Variants in NLGN1 observed in about 807,000 individuals in gnomAD.
NLGN1 encodes the protein neuroligin-1.
A neutral mutation model predicts 65.5 loss-of-function variants in NLGN1; 12 were observed. That is an observed-to-expected ratio of 0.18 (90% CI 0.12 to 0.30). The LOEUF (loss-of-function observed/expected upper bound fraction) is 0.30. Among genes scored for constraint, NLGN1 ranks in the 10% least tolerant of loss-of-function variants. The pLI is 1.00. For synonymous variants in NLGN1, 350 were observed against 359.5 expected, an observed-to-expected ratio of 0.97 and a Z score of 0.30; for missense variants, 750 against 1,007.1, an observed-to-expected ratio of 0.74 and a Z score of 3.46.
chr3:174,022,002 C>G (rs547525326), intron 4 of NLGN1, among the ~76,000 whole-genome samples: 1 of 152,174 alleles, frequency 6.6e-6, no homozygotes, highest in South Asian at 2.1e-4. Flanking sequence ...GAAGAGGGTT[C>G]AGTTGTGGTT....
At chr3:173,852,669 A>G (rs995200469) in intron 4 of NLGN1, among the ~76,000 whole-genome samples, 1 of 152,180 alleles carries the variant, frequency 6.6e-6, no homozygotes, top group Admixed American at 6.5e-5. Flanking sequence ...CATATTGTTC[A>G]CCAATTATAA....
intron 4 of NLGN1, among the ~76,000 whole-genome samples, chr3:174,033,861 AAGAG>A (rs1414087221): frequency 2.0e-5 from 3 of 152,162 alleles, no homozygotes; most frequent in Admixed American, 2.0e-4. Context: ...AAAGGGAAGA[AAGAG>A]AGAATGGAGC....
At chr3:174,149,300 C>A (rs1178070241) in intron 4 of NLGN1, among the ~76,000 whole-genome samples, 1 of 152,092 alleles carries the variant, frequency 6.6e-6, no homozygotes, top group Non-Finnish European at 1.5e-5. Flanking sequence ...ACCAAAAATT[C>A]TTACTGTAAC....
chr3:173,533,092 A>G (rs1000382288), intron 2 of NLGN1, among the ~76,000 whole-genome samples: 1 of 152,164 alleles, frequency 6.6e-6, no homozygotes, highest in Non-Finnish European at 1.5e-5. Flanking sequence ...CAATCATACC[A>G]TTATTTATTC....
At chr3:173,787,523 A>G (rs1309641419) in intron 3 of NLGN1, among the ~76,000 whole-genome samples, 1 of 152,210 alleles carries the variant, frequency 6.6e-6, no homozygotes, top group Non-Finnish European at 1.5e-5. Flanking sequence ...TATCTTTGAT[A>G]AATGTTATTA....
intron 4 of NLGN1, among the ~76,000 whole-genome samples, chr3:174,106,431 C>A (rs1174968740): frequency 6.6e-6 from 1 of 151,830 alleles, no homozygotes; most frequent in African/African-American, 2.4e-5. Flanking sequence ...GTCAGGCTTC[C>A]TCAAAAAAAT....
chr3:174,125,508 G>T (rs544525676), intron 4 of NLGN1, among the ~76,000 whole-genome samples: 2 of 151,994 alleles, frequency 1.3e-5, no homozygotes, highest in Non-Finnish European at 2.9e-5. Context: ...GAGTTTAGGT[G>T]GGGGAGCTGT....
intron 4 of NLGN1, among the ~76,000 whole-genome samples, chr3:174,215,092 A>C (rs1737357123): frequency 6.6e-6 from 1 of 152,098 alleles, no homozygotes. Flanking sequence ...AAATTTCTGA[A>C]TATCAAGTCC....
intron 4 of NLGN1, among the ~76,000 whole-genome samples, chr3:173,963,258 G>A (rs1237542305): frequency 6.6e-6 from 1 of 151,954 alleles, no homozygotes; most frequent in Non-Finnish European, 1.5e-5. Context: ...GATGGAAGGT[G>A]CAATCCAAAA....
At chr3:174,152,976 T>G (rs916232513) in intron 4 of NLGN1, among the ~76,000 whole-genome samples, 3 of 152,146 alleles carry the variant, frequency 2.0e-5, no homozygotes, top group African/African-American at 7.2e-5. Context: ...GTACATTCCT[T>G]GCCTGTCTCT....
chr3:173,859,592 C>A (rs1212441466), intron 4 of NLGN1, among the ~76,000 whole-genome samples: 3 of 152,034 alleles, frequency 2.0e-5, no homozygotes, highest in Admixed American at 6.6e-5. Context: ...TGATAAGGTT[C>A]TTTGAAACCA....
intron 4 of NLGN1, among the ~76,000 whole-genome samples, chr3:174,134,296 C>T (rs1006890119): frequency 3.3e-5 from 5 of 152,018 alleles, no homozygotes; most frequent in East Asian, 1.9e-4. Flanking sequence ...AAACCAACAG[C>T]GCTTTTGTGA....
intron 4 of NLGN1, among the ~76,000 whole-genome samples, chr3:174,060,705 A>T (rs923803074): frequency 6.6e-6 from 1 of 152,020 alleles, no homozygotes; most frequent in Non-Finnish European, 1.5e-5. Context: ...TCCTCAACTT[A>T]TGTTACAATG....
Position 173,825,420 on chromosome 3 carries a change from C to T in NLGN1, c.646+17588C>T, listed in dbSNP as rs147417661. 4.0e-3 allele frequency among the ~76,000 whole-genome samples: 608 copies of T among 152,034 alleles called. 6 individuals carry two copies. Among genetic ancestry groups the T allele is most frequent in the African/African-American group, 0.014 (570 of 41,520 alleles). ...GAGAATATGCCATTTTGTTCAATTT[C>T]AACATTGATTTTGATTTTTATATCC... is the stretch of plus-strand genomic sequence containing the variant. On this transcript the variant is annotated intron_variant, in intron 4 of 6. Transcript: ENST00000457714.
At chr3:173,946,106 C>G (rs1443159650) in intron 4 of NLGN1, among the ~76,000 whole-genome samples, 1 of 152,158 alleles carries the variant, frequency 6.6e-6, no homozygotes, top group Non-Finnish European at 1.5e-5. Context: ...AAAGGCCCAC[C>G]TAATACTTTT....
At chr3:173,410,820 A>G (rs1712388679) in intron 1 of NLGN1, among the ~76,000 whole-genome samples, 1 of 152,196 alleles carries the variant, frequency 6.6e-6, no homozygotes, top group Admixed American at 6.5e-5. Flanking sequence ...TTTATCCCAA[A>G]GTTATTTTCT....
intron 3 of NLGN1, among the ~76,000 whole-genome samples, chr3:173,768,944 T>A (rs956955064): frequency 1.3e-5 from 2 of 151,936 alleles, no homozygotes; most frequent in Non-Finnish European, 2.9e-5. Context: ...ACCCAGCAAT[T>A]GTTTTTATAG....
intron 4 of NLGN1, among the ~76,000 whole-genome samples, chr3:174,241,426 TGACCTTG>T (rs1742786505): frequency 6.6e-6 from 1 of 151,966 alleles, no homozygotes; most frequent in Non-Finnish European, 1.5e-5. Context: ...TTAGGTGTGT[TGACCTTG>T]GACTTCTGAG....
chr3:173,704,421 G>A (rs1000437219), intron 3 of NLGN1, among the ~76,000 whole-genome samples: 1 of 152,036 alleles, frequency 6.6e-6, no homozygotes, highest in Non-Finnish European at 1.5e-5. Context: ...GGGAATTATT[G>A]TTGCTCAGTG....
Sources: gnomAD v4.1 joint callset for allele counts (sites outside exome capture counted in the v4.1 genomes callset) on GRCh38, gnomAD v4.1.1 for gene constraint, MANE v1.5 for transcripts, NCBI Gene and HGNC (gene_info 2026-07-23, HGNC 2026-07-21) for gene names.